SLC9A9: variants seen among roughly 807,000 people sequenced by gnomAD.
The protein encoded by SLC9A9 is sodium/hydrogen exchanger 9.
In SLC9A9, 62 loss-of-function variants were observed where a neutral mutation model predicts 77.8. That is an observed-to-expected ratio of 0.80 (90% CI 0.65 to 0.98). The LOEUF (loss-of-function observed/expected upper bound fraction) is 0.98, where lower values mean the gene tolerates loss of function less well. Ranked by LOEUF, SLC9A9 falls within the 50% of genes least tolerant of loss-of-function variation. The probability of loss-of-function intolerance (pLI) is 0.00; values close to 1 mark genes in which losing one functional copy is unlikely to be tolerated. For synonymous variants in SLC9A9, 320 were observed against 283.5 expected (o/e 1.13, Z -1.29); for missense variants, 775 against 774.9 (o/e 1.00, Z 0.00).
chr3:143,602,533 A>G (rs1426093126), intron 6 of SLC9A9, among the ~76,000 whole-genome samples: 2 of 152,240 alleles, frequency 1.3e-5, no homozygotes, highest in Non-Finnish European at 2.9e-5. Context: ...ATCTTAATTT[A>G]ACTGTTTAAT....
At chr3:143,438,524 G>A (rs532437497) in intron 12 of SLC9A9, among the ~76,000 whole-genome samples, 1 of 152,280 alleles carries the variant, frequency 6.6e-6, no homozygotes, top group South Asian at 2.1e-4. Flanking sequence ...ATCTAGTCCA[G>A]TCATTCCCAA....
At chr3:143,742,152 A>C (rs1410765299) in intron 4 of SLC9A9, among the ~76,000 whole-genome samples, 2 of 152,094 alleles carry the variant, frequency 1.3e-5, no homozygotes, top group East Asian at 3.9e-4. Context: ...CCAGATCAAT[A>C]AACTGGCTCA....
chr3:143,491,938 T>G (rs2108589337), intron 11 of SLC9A9, among the ~76,000 whole-genome samples: 1 of 152,324 alleles, frequency 6.6e-6, no homozygotes, highest in East Asian at 1.9e-4. Flanking sequence ...GTTTACCTTT[T>G]GCTTTCTCAT....
intron 5 of SLC9A9, among the ~76,000 whole-genome samples, chr3:143,677,106 C>T (rs898472857): frequency 6.6e-6 from 1 of 152,114 alleles, no homozygotes; most frequent in African/African-American, 2.4e-5. Flanking sequence ...AACTCACAAA[C>T]CAAATATTTT....
At chr3:143,419,948 G>A (rs148124512) in intron 12 of SLC9A9, among the ~76,000 whole-genome samples, 36 of 152,254 alleles carry the variant, frequency 2.4e-4, no homozygotes, top group African/African-American at 5.3e-4. Flanking sequence ...TGCATTTCCC[G>A]AACACAGGGA....
intron 5 of SLC9A9, among the ~76,000 whole-genome samples, chr3:143,682,635 A>G (rs1933138791): frequency 6.6e-6 from 1 of 152,178 alleles, no homozygotes; most frequent in South Asian, 2.1e-4. Flanking sequence ...TAGAAGTTCA[A>G]CACATGTCTC....
chr3:143,791,521 C>T (rs2008224144), intron 4 of SLC9A9, among the ~76,000 whole-genome samples: 3 of 152,178 alleles, frequency 2.0e-5, no homozygotes, highest in African/African-American at 7.2e-5. Context: ...ACTTCATGGC[C>T]TTTTGTCAGC....
At chr3:143,418,455 A>C (rs1559907565) in intron 12 of SLC9A9, among the ~76,000 whole-genome samples, 1 of 152,088 alleles carries the variant, frequency 6.6e-6, no homozygotes, top group East Asian at 1.9e-4. Flanking sequence ...AGGTCTAAAC[A>C]TGAGCCTTTA....
At chr3:143,270,085 G>T (rs918008467) in intron 14 of SLC9A9, among the ~76,000 whole-genome samples, 1 of 152,184 alleles carries the variant, frequency 6.6e-6, no homozygotes, top group Non-Finnish European at 1.5e-5. Flanking sequence ...GTTATGATGC[G>T]AGGAGAGTGA....
chr3:143,823,944 G>C (rs2009236989), intron 2 of SLC9A9, among the ~76,000 whole-genome samples: 1 of 152,052 alleles, frequency 6.6e-6, no homozygotes, highest in Non-Finnish European at 1.5e-5. Context: ...ATAATGTATA[G>C]AGTATATTGA....
chr3:143,289,845 G>A (rs1169411258), intron 14 of SLC9A9, among the ~76,000 whole-genome samples: 1 of 152,100 alleles, frequency 6.6e-6, no homozygotes, highest in Non-Finnish European at 1.5e-5. Context: ...CTTCTGCAAT[G>A]CTGACCAGAT....
At chr3:143,414,782 A>G (rs1014545964) in intron 12 of SLC9A9, among the ~76,000 whole-genome samples, 1 of 152,256 alleles carries the variant, frequency 6.6e-6, no homozygotes, top group African/African-American at 2.4e-5. Flanking sequence ...TAAGTGTTTA[A>G]GTGAAAGGAA....
At chr3:143,717,732 T>C (rs1934391590) in intron 4 of SLC9A9, among the ~76,000 whole-genome samples, 1 of 152,222 alleles carries the variant, frequency 6.6e-6, no homozygotes, top group Admixed American at 6.5e-5. Context: ...TGAACCAAGA[T>C]GCACCCCATT....
chr3:143,518,178 C>T, intron 9 of SLC9A9: 1 of 1,599,554 alleles, frequency 6.3e-7, no homozygotes, highest in Admixed American at 1.7e-5. Flanking sequence ...CTCGGATCCT[C>T]CTTACACATT....
At chr3:143,370,160 C>T (rs561210916) in intron 13 of SLC9A9, among the ~76,000 whole-genome samples, 2 of 152,062 alleles carry the variant, frequency 1.3e-5, no homozygotes, top group East Asian at 1.9e-4. Context: ...ATTTTTTATG[C>T]AGCAATAGAA....
intron 6 of SLC9A9, among the ~76,000 whole-genome samples, chr3:143,595,733 A>C (rs961144849): frequency 6.6e-6 from 1 of 152,174 alleles, no homozygotes; most frequent in Non-Finnish European, 1.5e-5. Context: ...GATATATGGG[A>C]ATAAACGTGG....
intron 4 of SLC9A9, among the ~76,000 whole-genome samples, chr3:143,765,052 T>C (rs570862602): frequency 2.6e-5 from 4 of 151,316 alleles, no homozygotes; most frequent in South Asian, 2.1e-4. Flanking sequence ...TCTTTTTCTT[T>C]CTTTCTTTCC....
At chr3:143,666,705 A>T (rs2039076219) in intron 5 of SLC9A9, among the ~76,000 whole-genome samples, 1 of 152,222 alleles carries the variant, frequency 6.6e-6, no homozygotes, top group South Asian at 2.1e-4. Flanking sequence ...ACAGAGAGCC[A>T]AAGCATGAGT....
At chr3:143,713,209 C>G (rs1934243582) in intron 4 of SLC9A9, among the ~76,000 whole-genome samples, 1 of 152,224 alleles carries the variant, frequency 6.6e-6, no homozygotes, top group African/African-American at 2.4e-5. Context: ...GGGAAGAGAA[C>G]TGTATCAATG....
Sources: allele counts gnomAD v4.1 joint callset (sites outside exome capture counted in the v4.1 genomes callset), GRCh38; gene constraint gnomAD v4.1.1; transcripts MANE v1.5; gene names NCBI Gene and HGNC (gene_info 2026-07-23, HGNC 2026-07-21).